FAM72B: variants seen among roughly 807,000 people sequenced by gnomAD.
FAM72B encodes RUMY family member 2, also known as protein FAM72B.
A neutral mutation model predicts 12.6 loss-of-function variants in FAM72B; 4 were observed. The observed-to-expected ratio is 0.32, with a 90% CI of 0.16 to 0.73. The LOEUF (loss-of-function observed/expected upper bound fraction) is 0.73. Among genes scored for constraint, FAM72B ranks in the 30% least tolerant of loss-of-function variants. The pLI, the probability that FAM72B is intolerant of heterozygous loss-of-function variation, is 0.67. For missense variants in FAM72B, 61 were observed against 158.4 expected (o/e 0.39, Z 3.30); for synonymous variants, 13 against 53.9 (o/e 0.24, Z 3.32).
At chr1:121,175,064 C>A (rs1654184944) in intron 3 of FAM72B, among the ~76,000 whole-genome samples, 1 of 152,032 alleles carries the variant, frequency 6.6e-6, no homozygotes, top group Non-Finnish European at 1.5e-5. Context: ...CAGGCTGAAT[C>A]TCTTGTTAGA....
chr1:121,172,996 G>A (rs1654129226), intron 3 of FAM72B, among the ~76,000 whole-genome samples: 1 of 135,380 alleles, frequency 7.4e-6, no homozygotes, highest in Non-Finnish European at 1.6e-5. Flanking sequence ...AGAATCGCTT[G>A]AACCCGGGAG....
At position 121,168,821 on chromosome 1, in the gene FAM72B, G is replaced by A. The variant is rs781969016; in HGVS notation, c.370C>T (p.Leu124Phe). The change falls in exon 4 of 4, where the codon CTT becomes TTT. Residue 124 changes from leucine (L) to phenylalanine (F), a missense_variant. By Grantham distance (22) the Leu-to-Phe change is conservative. Transcript: ENST00000369390. ...RLDSTGVNIL[L>F]WGNLPEIEES... ...TCTATCTCTGGCAAGTTGCCCCAAAGTAGGATGTTTACACCTGAAAATAAA... is the reference window on the plus strand; with the variant it reads ...TCTATCTCTGGCAAGTTGCCCCAAAATAGGATGTTTACACCTGAAAATAAA... 4 of 1,608,952 alleles carry A rather than the reference G, an allele frequency of 2.5e-6. No individual in the cohort carries two copies. The highest frequency in any genetic ancestry group is 3.4e-6 in the Non-Finnish European group (4 of 1,178,936).
chr1:121,183,925 C>T lies in FAM72B; in HGVS notation c.-436G>A, dbSNP rs1553318158. The stretch of plus-strand genomic sequence containing the variant: ...GACATCCCTTCCCCAGCATTAAGCC[C>T]CTCCCCCGGAGCGCTCCGGTTCCCT... On this transcript the variant is annotated 5_prime_UTR_variant, in exon 1 of 4. Coordinates refer to ENST00000369390, the MANE Select transcript of FAM72B (RefSeq NM_001100910.2). 5.4e-5 allele frequency: 9 copies of T among 166,960 alleles called. No homozygotes were observed. Among genetic ancestry groups the T allele is most frequent in the Non-Finnish European group, 1.0e-4 (8 of 76,868 alleles). 10.3% of individuals were successfully genotyped at this position (166,960 alleles called of 1,614,324 possible).
At chr1:121,182,007 C>A (rs28594568) in intron 1 of FAM72B, among the ~76,000 whole-genome samples, 3,024 of 152,014 alleles carry the variant, frequency 0.02, 38 homozygotes, top group African/African-American at 0.068. Flanking sequence ...ATTCACCTAG[C>A]CTTCCTTATG....
chr1:121,183,670 A>G lies in FAM72B; in HGVS notation c.-181T>C, dbSNP rs1238018294. ...TTCCCGGTGGCGGAGTAGAAGAAGT[A>G]TTTATTGAGTAGGAACAGGGGAGCG... On this transcript the variant is annotated 5_prime_UTR_variant, in exon 1 of 4. Transcript: ENST00000369390. 9.1e-7 allele frequency: 1 copy of G among 1,102,436 alleles called. No individual in the cohort carries two copies. Among genetic ancestry groups the G allele is most frequent in the East Asian group, 2.6e-5 (1 of 38,300 alleles). 68.3% of individuals were successfully genotyped at this position (1,102,436 alleles called of 1,614,324 possible).
At chr1:121,176,876 G>A (rs1654225436) in intron 3 of FAM72B, among the ~76,000 whole-genome samples, 1 of 151,630 alleles carries the variant, frequency 6.6e-6, no homozygotes, top group African/African-American at 2.4e-5. Flanking sequence ...ACACACACAT[G>A]CATTAGACTA....
At chr1:121,170,137 A>ATTTTTTTTTTTTTTTTTTTTTTTT (rs1654063182) in intron 3 of FAM72B, among the ~76,000 whole-genome samples, 1 of 151,550 alleles carries the variant, frequency 6.6e-6, no homozygotes, top group Non-Finnish European at 1.5e-5. Flanking sequence ...TGCCTGGGTA[A>ATTTTTTTTTTTTTTTTTTTTTTTT]TTTTTGTATT....
At chr1:121,168,877 G>A in intron 3 of FAM72B, 42 bp from the exon 4 acceptor site, 1 of 1,566,762 alleles carries the variant, frequency 6.4e-7, no homozygotes. Context: ...GCTTACTACT[G>A]TTATAACTCA....
chr1:121,179,733 C>G (rs1654292220), intron 2 of FAM72B, among the ~76,000 whole-genome samples: 1 of 141,136 alleles, frequency 7.1e-6, no homozygotes, highest in African/African-American at 2.7e-5. Context: ...GAGGCTGAGG[C>G]AGGAGATTCG....
rs587668217 is a variant in FAM72B at position 121,183,607 on chromosome 1, C to T, written c.-118G>A. ...TGCGGGACCTAGAGCTTTTCTAAGTCCTAATATTGGGAAGGAAATTAGTTT... is the reference window on the plus strand; with the variant it reads ...TGCGGGACCTAGAGCTTTTCTAAGTTCTAATATTGGGAAGGAAATTAGTTT... On this transcript the variant is annotated 5_prime_UTR_variant, in exon 1 of 4. Coordinates refer to ENST00000369390, the MANE Select transcript of FAM72B (RefSeq NM_001100910.2). 72 of 1,580,096 alleles carry T rather than the reference C, an allele frequency of 4.6e-5. 1 individual carries two copies. The East Asian group carries it at 1.1e-3, about 25-fold the overall frequency.
At position 121,183,750 on chromosome 1, in the gene FAM72B, G is replaced by A. The variant is rs1654392722; in HGVS notation, c.-261C>T. 2 of 233,844 alleles carry A rather than the reference G, an allele frequency of 8.6e-6. No individual in the cohort carries two copies. Among genetic ancestry groups the A allele is most frequent in the South Asian group, 7.8e-5 (2 of 25,738 alleles). The allele number at this position is 233,844 out of a possible 1,614,324, so 14.5% of individuals were successfully genotyped here. ...GGAGAAGGGAGTGGAGTTTGAATTG[G>A]AGAGGAGGCAGGTGGAGTTTGAAGG... On this transcript the variant is annotated 5_prime_UTR_variant, in exon 1 of 4. Transcript: ENST00000369390.
chr1:121,174,413 G>A (rs1354507487), intron 3 of FAM72B, among the ~76,000 whole-genome samples: 1 of 145,560 alleles, frequency 6.9e-6, no homozygotes, highest in Non-Finnish European at 1.5e-5. Flanking sequence ...TGTTGCCCAG[G>A]CTGGAGTGCA....
rs1654415064 is a variant in FAM72B at position 121,184,304 on chromosome 1, CG to C, written c.-816del. ...CGGCGCTGGGGTCTGTCACCGAACA[CG>C]TTGGTTTTCGCTCCCTCTTCCGCTT... On this transcript the variant is annotated 5_prime_UTR_variant, in exon 1 of 4. Coordinates refer to ENST00000369390, the MANE Select transcript of FAM72B (RefSeq NM_001100910.2). 6.7e-6 allele frequency: 1 copy of C among 148,574 alleles called. No homozygotes were observed. The highest frequency in any genetic ancestry group is 1.5e-5 in the Non-Finnish European group (1 of 67,500). The allele number at this position is 148,574 out of a possible 1,614,324, so 9.2% of individuals were successfully genotyped here.
chr1:121,182,191 T>TAC (rs1407331923), intron 1 of FAM72B, among the ~76,000 whole-genome samples: 56 of 151,462 alleles, frequency 3.7e-4, no homozygotes, highest in African/African-American at 1.2e-3. Context: ...ATATACGATG[T>TAC]ACACACACAC....
chr1:121,179,224 G>GA (rs1476860131), intron 2 of FAM72B, among the ~76,000 whole-genome samples: 1 of 123,466 alleles, frequency 8.1e-6, no homozygotes, highest in African/African-American at 3.1e-5. Context: ...CTAAAAATAC[G>GA]AAAATTAACT....
Position 121,168,686 on chromosome 1 carries a change from T to C in FAM72B, c.*55A>G. ...AACTAACAATTTTAAAGTTGATCCA[T>C]TAATATATTTTTAAATAGAAAAAAG... is the stretch of plus-strand genomic sequence containing the variant. On this transcript the variant is annotated 3_prime_UTR_variant, in exon 4 of 4. Transcript: ENST00000369390. 1 of 1,302,098 alleles carries C rather than the reference T, an allele frequency of 7.7e-7. No individual in the cohort carries two copies. Among genetic ancestry groups the C allele is most frequent in the Non-Finnish European group, 1.0e-6 (1 of 987,784 alleles). The allele number at this position is 1,302,098 out of a possible 1,614,324, so 80.7% of individuals were successfully genotyped here.
rs1242294717 is a variant in FAM72B at position 121,171,616 on chromosome 1, AC to A, written c.356-2782del. Among the ~76,000 whole-genome samples, 33 of 149,126 alleles carry A rather than the reference AC, an allele frequency of 2.2e-4. No individual in the cohort carries two copies. In the South Asian group the frequency reaches 5.4e-3, roughly 24 times the overall value. ...AGTAAATCAAACTTGAAAAATCTCC[AC>A]CCTGTGTTTTGAATTCTGTAAAGCA... is the stretch of plus-strand genomic sequence containing the variant. On this transcript the variant is annotated intron_variant, in intron 3 of 3. Transcript: ENST00000369390.
At chr1:121,182,137 G>C (rs1273570128) in intron 1 of FAM72B, among the ~76,000 whole-genome samples, 1 of 152,048 alleles carries the variant, frequency 6.6e-6, no homozygotes, top group African/African-American at 2.4e-5. Flanking sequence ...TGTAACAGTA[G>C]GTTCTATGAT....
Position 121,168,623 on chromosome 1 carries a change from A to G in FAM72B, c.*118T>C, listed in dbSNP as rs1654020308. On this transcript the variant is annotated 3_prime_UTR_variant, in exon 4 of 4. Coordinates refer to ENST00000369390, the MANE Select transcript of FAM72B (RefSeq NM_001100910.2). ...AGAGACGGAAAATAAATAAATCAAC[A>G]AATGCCCCATTTTTGTTTTCCAAAA... The G allele has an allele frequency of 1.0e-6, 1 of 999,186 alleles. No individual in the cohort carries two copies. The allele number at this position is 999,186 out of a possible 1,614,324, so 61.9% of individuals were successfully genotyped here.
Sources: allele counts gnomAD v4.1 joint callset (sites outside exome capture counted in the v4.1 genomes callset), GRCh38; gene constraint gnomAD v4.1.1; transcripts MANE v1.5; gene names NCBI Gene and HGNC (gene_info 2026-07-23, HGNC 2026-07-21).